Variants in TIAM2 observed in about 807,000 individuals in gnomAD.
TIAM2 encodes the protein TIAM Rac1 associated GEF 2, also known as rho guanine nucleotide exchange factor TIAM2.
A neutral mutation model predicts 152.9 loss-of-function variants in TIAM2; 80 were observed. The observed-to-expected ratio is 0.52, with a 90% CI of 0.44 to 0.63. TIAM2 has a LOEUF of 0.63. Ranked by LOEUF, TIAM2 falls within the 30% of genes least tolerant of loss-of-function variation. TIAM2 has a pLI of 0.00. For missense variants in TIAM2, 1,965 were observed against 2,120.1 expected (o/e 0.93, Z 1.44); for synonymous variants, 804 against 838.0 (o/e 0.96, Z 0.70).
chr6:155,137,433 A>T lies in TIAM2; in HGVS notation c.1451A>T (p.Glu484Val), dbSNP rs746968867. 11 of 1,614,132 alleles carry T rather than the reference A, an allele frequency of 6.8e-6. No homozygotes were observed. The highest frequency in any genetic ancestry group is 9.3e-6 in the Non-Finnish European group (11 of 1,180,052). Residue 484 changes from glutamate (E) to valine (V), a missense_variant, in exon 5 of 27, where the codon GAG becomes GTG. This residue lies in a region of TIAM2 where 1,025 missense variants were observed against 1,119.4 expected (regional missense o/e 0.92). Transcript: ENST00000682666. ...ATAGAAACATCTACAGAAACCGCCG[A>T]GTCCAGCAGCGAGTCACTCAGCTCT... ...ENIETSTETA[E>V]SSSESLSSLE...
chr6:155,160,623 G>A (rs2115091538), intron 7 of TIAM2, among the ~76,000 whole-genome samples: 1 of 152,164 alleles, frequency 6.6e-6, no homozygotes. Flanking sequence ...GCAAAAATTA[G>A]CCAAGCATGG....
intron 1 of TIAM2, among the ~76,000 whole-genome samples, chr6:155,007,166 G>A (rs1483809592): frequency 6.6e-6 from 1 of 152,170 alleles, no homozygotes. Flanking sequence ...TGTGGAGGGT[G>A]TGGGGGAGTG....
chr6:155,065,278 T>A (rs111684154), intron 1 of TIAM2, among the ~76,000 whole-genome samples: 1 of 152,220 alleles, frequency 6.6e-6, no homozygotes, highest in Non-Finnish European at 1.5e-5. Flanking sequence ...AAACCATTGA[T>A]TTCTAGTTGT....
At chr6:155,131,954 A>G (rs1779459449) in intron 4 of TIAM2, among the ~76,000 whole-genome samples, 1 of 152,062 alleles carries the variant, frequency 6.6e-6, no homozygotes, top group Admixed American at 6.6e-5. Flanking sequence ...AGTGCATGTA[A>G]TAGAAAAATA....
intron 1 of TIAM2, among the ~76,000 whole-genome samples, chr6:155,029,126 TAC>T: frequency 3.2e-5 from 4 of 123,778 alleles, no homozygotes; most frequent in East Asian, 2.4e-4. Flanking sequence ...ACACTGTATG[TAC>T]TATGTGTTAT....
chr6:155,246,284 C>G (rs1407128601), intron 19 of TIAM2, among the ~76,000 whole-genome samples: 1 of 152,038 alleles, frequency 6.6e-6, no homozygotes, highest in Admixed American at 6.5e-5. Context: ...TCATTCATGT[C>G]CACGGATGCA....
chr6:155,107,225 TA>T (rs1778716023), intron 2 of TIAM2, among the ~76,000 whole-genome samples: 2 of 152,326 alleles, frequency 1.3e-5, no homozygotes, highest in South Asian at 4.1e-4. Context: ...ACATGTGAGA[TA>T]AAAATGTTTC....
At chr6:155,094,863 A>G (rs570904181) in intron 2 of TIAM2, among the ~76,000 whole-genome samples, 3 of 151,708 alleles carry the variant, frequency 2.0e-5, no homozygotes, top group Admixed American at 2.0e-4. Flanking sequence ...GATTACAGGC[A>G]TGAGCCACCG....
chr6:155,015,959 A>AC (rs1458311245), intron 1 of TIAM2, among the ~76,000 whole-genome samples: 14 of 150,710 alleles, frequency 9.3e-5, no homozygotes, highest in African/African-American at 3.4e-4. Context: ...AAAAAAAAAA[A>AC]AAAAAAAAAA....
chr6:155,241,393 C>T (rs987604605), intron 16 of TIAM2, among the ~76,000 whole-genome samples: 3 of 152,156 alleles, frequency 2.0e-5, no homozygotes, highest in South Asian at 2.1e-4. Context: ...ACTGAAGCAG[C>T]GCGGCACGGT....
intron 2 of TIAM2, among the ~76,000 whole-genome samples, chr6:155,101,488 T>G (rs1778547930): frequency 6.6e-6 from 1 of 152,194 alleles, no homozygotes; most frequent in Non-Finnish European, 1.5e-5. Flanking sequence ...GTAAAAGTAA[T>G]TTATATTTTT....
chr6:155,045,074 A>G (rs7356859), intron 1 of TIAM2, among the ~76,000 whole-genome samples: 119,704 of 140,952 alleles, frequency 0.85, 50,962 homozygotes, highest in African/African-American at 0.94. Context: ...TTTTTGAGAC[A>G]GAGTCTAGCA....
rs1260319726 is a variant in TIAM2 at position 155,016,536 on chromosome 6, AATTTAAATTTAAATGGTATTTAC to A, written c.-209+21076_-209+21098del. Among the ~76,000 whole-genome samples, 291 of 112,894 alleles carry A rather than the reference AATTTAAATTTAAATGGTATTTAC, an allele frequency of 2.6e-3. 7 individuals carry two copies. The South Asian group carries it at 0.046, about 18-fold the overall frequency. 74.1% of individuals were successfully genotyped at this position (112,894 alleles called of 152,430 possible). A position where few individuals can be genotyped will look rare whatever the true frequency, so the allele number is the denominator to read the frequency against. On this transcript the variant is annotated intron_variant, in intron 1 of 26. Transcript: ENST00000682666. ...AAATGGTATTTACATTTAAATGGTA[AATTTAAATTTAAATGGTATTTAC>A]ATTTAAATTTAAATGGTATTTACAT... is the stretch of plus-strand genomic sequence containing the variant.
At chr6:155,022,332 C>G (rs1167142161) in intron 1 of TIAM2, 1 of 152,268 alleles carries the variant, frequency 6.6e-6, no homozygotes, top group Non-Finnish European at 1.5e-5. Context: ...TTTTCTCTCA[C>G]TCTGTTGCCC....
At position 155,016,669 on chromosome 6, in the gene TIAM2, C is replaced by T. The variant is rs146977268; in HGVS notation, c.-209+21177C>T. On this transcript the variant is annotated intron_variant, in intron 1 of 26. Coordinates refer to ENST00000682666, the MANE Select transcript of TIAM2 (RefSeq NM_012454.4). Reference sequence around the variant, plus strand: ...ATCCCAGAACTTTAGGAGGCCAAGGCGGGTGGATTGCTTGAGGTCAGGAGT... The same window carrying T: ...ATCCCAGAACTTTAGGAGGCCAAGGTGGGTGGATTGCTTGAGGTCAGGAGT... Among the ~76,000 whole-genome samples the T allele has an allele frequency of 4.1e-3, 616 of 149,152 alleles. 1 individual carries two copies. The highest frequency in any genetic ancestry group is 0.015 in the South Asian group (71 of 4,690).
At chr6:155,226,625 A>G (rs1265253835) in intron 15 of TIAM2, among the ~76,000 whole-genome samples, 1 of 146,158 alleles carries the variant, frequency 6.8e-6, no homozygotes, top group Non-Finnish European at 1.5e-5. Context: ...AGATCGTGCC[A>G]CTGCACTCCA....
At chr6:155,035,373 C>T (rs529841382) in intron 1 of TIAM2, among the ~76,000 whole-genome samples, 1 of 152,110 alleles carries the variant, frequency 6.6e-6, no homozygotes, top group East Asian at 1.9e-4. Flanking sequence ...AGGTGTGTGC[C>T]ACCATACCGG....
intron 14 of TIAM2, among the ~76,000 whole-genome samples, chr6:155,194,860 C>T (rs767439938): frequency 3.4e-4 from 52 of 152,082 alleles, no homozygotes; most frequent in African/African-American, 9.4e-4. Flanking sequence ...ATTATGGGGG[C>T]GGTTTCCCCC....
At chr6:155,007,770 C>T (rs2114844065) in intron 1 of TIAM2, among the ~76,000 whole-genome samples, 1 of 152,242 alleles carries the variant, frequency 6.6e-6, no homozygotes, top group East Asian at 1.9e-4. Context: ...GGGGATGTCA[C>T]TAAGTCAGAC....
Sources: allele counts gnomAD v4.1 joint callset (sites outside exome capture counted in the v4.1 genomes callset), GRCh38; gene constraint gnomAD v4.1.1; regional missense constraint gnomAD v4.1.1; transcripts MANE v1.5; gene names NCBI Gene and HGNC (gene_info 2026-07-23, HGNC 2026-07-21).